The following ZBTB37 variants were observed in gnomAD, a reference collection of about 807,000 sequenced individuals.
ZBTB37 encodes the protein zinc finger and BTB domain-containing protein 37.
A neutral mutation model predicts 37.7 loss-of-function variants in ZBTB37; 15 were observed. That is an observed-to-expected ratio of 0.40 (90% CI 0.27 to 0.61). The LOEUF (loss-of-function observed/expected upper bound fraction) is 0.61, where lower values mean the gene tolerates loss of function less well. ZBTB37 is among the 20% of genes least tolerant of loss of function. The probability of loss-of-function intolerance (pLI) is 0.44; values close to 1 mark genes in which losing one functional copy is unlikely to be tolerated. For missense variants in ZBTB37, 514 were observed against 641.9 expected (o/e 0.80, Z 2.15); for synonymous variants, 231 against 220.6 (o/e 1.05, Z -0.42).
At chr1:173,895,414 C>T (rs1314497558) in exon 4 of ZBTB37, 1 of 152,054 alleles carries the variant, frequency 6.6e-6, no homozygotes, top group East Asian at 1.9e-4. Flanking sequence ...GGAAAGCTTA[C>T]TATTAAATAA....
exon 4 of ZBTB37, chr1:173,901,399 C>CT (rs3053950): frequency 0.11 from 13,503 of 121,734 alleles, 2,592 homozygotes; most frequent in African/African-American, 0.38. Context: ...AAAGTTAGAA[C>CT]TTTTTTTTTT....
chr1:173,879,223 C>T (rs111536824), intron 4 of ZBTB37, among the ~76,000 whole-genome samples: 5 of 152,224 alleles, frequency 3.3e-5, no homozygotes, highest in African/African-American at 1.2e-4. Flanking sequence ...CATCCAGAAT[C>T]CAGCAGTGTC....
intron 4 of ZBTB37, among the ~76,000 whole-genome samples, chr1:173,876,120 C>G (rs566511557): frequency 6.6e-6 from 1 of 151,856 alleles, no homozygotes; most frequent in South Asian, 2.1e-4. Context: ...TATGAGTTTG[C>G]TCATTTTTTT....
chr1:173,876,038 C>T (rs1028233202), intron 4 of ZBTB37, among the ~76,000 whole-genome samples: 6 of 152,212 alleles, frequency 3.9e-5, no homozygotes, highest in South Asian at 4.1e-4. Context: ...TTTTGTTAGA[C>T]TAACACATTC....
At chr1:173,885,819 T>TGCC in exon 5 of ZBTB37, 1 of 1,551,834 alleles carries the variant, frequency 6.4e-7, no homozygotes, top group Non-Finnish European at 8.7e-7. Context: ...ACCATTCGTC[T>TGCC]GCCGCATGTG....
At position 173,870,748 on chromosome 1, in the gene ZBTB37, C is replaced by T; in HGVS notation, c.523C>T (p.Arg175Ter). 2 of 1,614,168 alleles carry T rather than the reference C, an allele frequency of 1.2e-6. No homozygotes were observed. Among genetic ancestry groups the T allele is most frequent in the Non-Finnish European group, 1.7e-6 (2 of 1,180,044 alleles). The stretch of plus-strand genomic sequence containing the variant: ...ACATAATACCCCAAAGGGAAACCGG[C>T]GAGGTCAGGTTAGTGCTGTGCTGGA... The change falls in exon 3 of 5, where the codon CGA becomes TGA. Residue 175 changes from arginine (R) to a stop codon, truncating the protein, a stop_gained. Transcript: ENST00000427304. LOFTEE classifies it high-confidence loss of function.
intron 3 of ZBTB37, among the ~76,000 whole-genome samples, chr1:173,872,482 C>T (rs570131114): frequency 2.0e-5 from 3 of 152,268 alleles, no homozygotes; most frequent in South Asian, 2.1e-4. Flanking sequence ...AGGCGTTTCT[C>T]CTGCCACTGT....
exon 4 of ZBTB37, chr1:173,898,760 T>C (rs1346052038): frequency 6.6e-6 from 1 of 152,222 alleles, no homozygotes; most frequent in Non-Finnish European, 1.5e-5. Flanking sequence ...ATTTTCTGTT[T>C]GGGGCACTAG....
chr1:173,887,083 CA>C (rs1656654687), downstream of ZBTB37: 1 of 152,120 alleles, frequency 6.6e-6, no homozygotes. Flanking sequence ...TCAAAAATGT[CA>C]CTTTCCAGTG....
chr1:173,885,973 G>A (rs1656595835), exon 5 of ZBTB37: 1 of 1,551,708 alleles, frequency 6.4e-7, no homozygotes. Context: ...AACCACCCTG[G>A]CTGTATACCC....
chr1:173,881,097 C>T (rs1007041342), intron 4 of ZBTB37, among the ~76,000 whole-genome samples: 7 of 152,014 alleles, frequency 4.6e-5, no homozygotes. Flanking sequence ...AATGCTATCC[C>T]TCCCCCCTCC....
At chr1:173,869,029 C>T (rs1333096715) in exon 2 of ZBTB37, 1 of 152,552 alleles carries the variant, frequency 6.6e-6, no homozygotes, top group African/African-American at 2.4e-5. Context: ...GGTGTAGGCT[C>T]CAAAATAAAC....
exon 4 of ZBTB37, chr1:173,891,864 A>G (rs1656855514): frequency 6.6e-6 from 1 of 152,338 alleles, no homozygotes; most frequent in East Asian, 1.9e-4. Flanking sequence ...TTTCTAGGCC[A>G]TGCTGATACA....
At chr1:173,881,460 GTA>G (rs990646039) in intron 4 of ZBTB37, among the ~76,000 whole-genome samples, 3 of 152,174 alleles carry the variant, frequency 2.0e-5, no homozygotes, top group African/African-American at 4.8e-5. Context: ...AATCCTTTGG[GTA>G]TATACCCAGT....
At chr1:173,870,770 T>C (rs746040389) in exon 3 of ZBTB37, 2 of 1,614,226 alleles carry the variant, frequency 1.2e-6, no homozygotes, top group Non-Finnish European at 1.7e-6. Context: ...AGTGCTGTGC[T>C]GGATATCAGA....
At chr1:173,870,749 G>T in exon 3 of ZBTB37, 1 of 1,614,166 alleles carries the variant, frequency 6.2e-7, no homozygotes, top group Non-Finnish European at 8.5e-7. Flanking sequence ...GGAAACCGGC[G>T]AGGTCAGGTT....
At chr1:173,870,983 G>T (rs769308773) in exon 3 of ZBTB37, 1 of 1,614,236 alleles carries the variant, frequency 6.2e-7, no homozygotes, top group East Asian at 2.2e-5. Flanking sequence ...CTGGAGGAGT[G>T]GCTTGGGCCT....
At chr1:173,891,105 T>A (rs1475463524), downstream of ZBTB37, 1 of 152,206 alleles carries the variant, frequency 6.6e-6, no homozygotes, top group Non-Finnish European at 1.5e-5. Flanking sequence ...CCCATTACTT[T>A]AAAAGCATTT....
At chr1:173,889,066 A>G (rs1004907089), downstream of ZBTB37, 2 of 152,184 alleles carry the variant, frequency 1.3e-5, no homozygotes, top group Non-Finnish European at 2.9e-5. Context: ...GGTTCTCTCA[A>G]TTGGCCTAGC....
Sources: gnomAD v4.1 joint callset for allele counts (sites outside exome capture counted in the v4.1 genomes callset) on GRCh38, gnomAD v4.1.1 for gene constraint, MANE v1.5 for transcripts, NCBI Gene and HGNC (gene_info 2026-07-23, HGNC 2026-07-21) for gene names.